The following CPNE8 variants were observed in gnomAD, a reference collection of about 807,000 sequenced individuals.
CPNE8 encodes the protein copine 8.
Under a neutral mutation model 81.5 loss-of-function variants are expected in CPNE8, and 45 were observed. The observed-to-expected ratio is 0.55, with a 90% confidence interval of 0.44 to 0.71. The LOEUF (loss-of-function observed/expected upper bound fraction) is 0.71. Ranked by LOEUF, CPNE8 falls within the 30% of genes least tolerant of loss-of-function variation. The pLI, the probability that CPNE8 is intolerant of heterozygous loss-of-function variation, is 0.00. For synonymous variants in CPNE8, 252 were observed against 226.3 expected (o/e 1.11, Z -1.02); for missense variants, 594 against 672.1 (o/e 0.88, Z 1.28).
intron 16 of CPNE8, 69 bp downstream of exon 16, chr12:38,685,421 A>AT: frequency 6.6e-7 from 1 of 1,511,104 alleles, no homozygotes. Context: ...GAGTCATGCT[A>AT]GCAACAATGT....
intron 1 of CPNE8, among the ~76,000 whole-genome samples, chr12:38,881,592 C>A (rs1305562338): frequency 2.0e-5 from 3 of 152,122 alleles, no homozygotes; most frequent in African/African-American, 7.2e-5. Context: ...ATAGTTTCAA[C>A]CTTTGCATGG....
intron 16 of CPNE8, among the ~76,000 whole-genome samples, chr12:38,684,287 G>T (rs1020418176): frequency 2.6e-5 from 4 of 152,010 alleles, no homozygotes; most frequent in African/African-American, 9.7e-5. Context: ...GATCAATTTT[G>T]GGGGCCAAGA....
rs143752382 is a variant in CPNE8, at chr12:38,762,188, C to A, written c.604G>T (p.Val202Phe). ...SFTICHKTEV[V>F]KNTLNPVWQA... Reference sequence around the variant, plus strand: ...CATACTGGATTTAGAGTGTTTTTGACAACTTCTGTCTTGTGACAAATTGTA... The same window carrying A: ...CATACTGGATTTAGAGTGTTTTTGAAAACTTCTGTCTTGTGACAAATTGTA... The change falls in exon 9 of 20, where the codon GTC (valine) becomes TTC (phenylalanine). Residue 202 changes from valine (V) to phenylalanine (F), a missense_variant. Transcript: ENST00000331366. 1 of 1,603,276 alleles carries A rather than the reference C, an allele frequency of 6.2e-7. No individual in the cohort carries two copies. Among genetic ancestry groups the A allele is most frequent in the Non-Finnish European group, 8.5e-7 (1 of 1,173,846 alleles).
At chr12:38,794,116 A>C (rs1272042605) in intron 6 of CPNE8, among the ~76,000 whole-genome samples, 1 of 152,160 alleles carries the variant, frequency 6.6e-6, no homozygotes, top group Non-Finnish European at 1.5e-5. Flanking sequence ...ACAGGAGGAA[A>C]GCTTCCTGAA....
At chr12:38,881,865 T>G (rs1453521410) in intron 1 of CPNE8, among the ~76,000 whole-genome samples, 4 of 152,104 alleles carry the variant, frequency 2.6e-5, no homozygotes, top group African/African-American at 9.7e-5. Flanking sequence ...ATTCCTGATT[T>G]CAGCTGGAAA....
chr12:38,776,419 T>C (rs1432726724), intron 6 of CPNE8, 118 bp from the exon 7 acceptor site: 10 of 279,096 alleles, frequency 3.6e-5, no homozygotes, highest in Non-Finnish European at 5.2e-5. Flanking sequence ...AATAATAACA[T>C]GGTTCTTCCC....
At chr12:38,782,592 A>G (rs1168802209) in intron 6 of CPNE8, among the ~76,000 whole-genome samples, 3 of 152,184 alleles carry the variant, frequency 2.0e-5, no homozygotes, top group Non-Finnish European at 4.4e-5. Flanking sequence ...CAGAAAGAGA[A>G]TGAGAAAGAG....
chr12:38,706,893 G>A, intron 13 of CPNE8, among the ~76,000 whole-genome samples: 1 of 152,208 alleles, frequency 6.6e-6, no homozygotes, highest in Non-Finnish European at 1.5e-5. Context: ...AGAAGCACTG[G>A]TTGCAGATAC....
At chr12:38,862,143 G>A (rs1038382059) in intron 3 of CPNE8, among the ~76,000 whole-genome samples, 4 of 152,048 alleles carry the variant, frequency 2.6e-5, no homozygotes, top group African/African-American at 9.7e-5. Flanking sequence ...TTGCCAAATT[G>A]TAGAAATGCA....
intron 1 of CPNE8, 92 bp from the exon 2 acceptor site, chr12:38,874,603 G>GTA (rs540463296): frequency 2.0e-4 from 149 of 728,970 alleles, no homozygotes; most frequent in African/African-American, 2.7e-4. Context: ...ACATAATTGT[G>GTA]TATATATATA....
At chr12:38,814,047 A>G (rs2136992841) in intron 6 of CPNE8, among the ~76,000 whole-genome samples, 1 of 152,222 alleles carries the variant, frequency 6.6e-6, no homozygotes, top group East Asian at 1.9e-4. Flanking sequence ...GTACAAGAAG[A>G]GTCTTTGAGG....
chr12:38,696,321 C>G (rs1939796297), intron 14 of CPNE8, among the ~76,000 whole-genome samples: 1 of 151,362 alleles, frequency 6.6e-6, no homozygotes, highest in South Asian at 2.1e-4. Flanking sequence ...TTGTTTATTC[C>G]AGCCCTTATT....
At chr12:38,853,623 C>A (rs540165160) in intron 3 of CPNE8, among the ~76,000 whole-genome samples, 1 of 151,988 alleles carries the variant, frequency 6.6e-6, no homozygotes, top group South Asian at 2.1e-4. Flanking sequence ...AACACTGTTC[C>A]TTTTAAAATT....
At chr12:38,796,042 C>A (rs927265212) in intron 6 of CPNE8, among the ~76,000 whole-genome samples, 1 of 152,202 alleles carries the variant, frequency 6.6e-6, no homozygotes, top group South Asian at 2.1e-4. Context: ...AGGCAGATCA[C>A]TTGAGTTCAG....
chr12:38,806,576 T>G (rs1039635214), intron 6 of CPNE8, among the ~76,000 whole-genome samples: 1 of 149,334 alleles, frequency 6.7e-6, no homozygotes, highest in Non-Finnish European at 1.5e-5. Context: ...AAACTCTCAA[T>G]AAATTAGGTA....
intron 14 of CPNE8, among the ~76,000 whole-genome samples, chr12:38,694,210 A>G (rs558159652): frequency 1.3e-5 from 2 of 152,320 alleles, no homozygotes; most frequent in East Asian, 3.9e-4. Context: ...CCTTATGCCT[A>G]TGGCAAGATG....
chr12:38,726,988 T>C (rs1940714939), intron 11 of CPNE8, among the ~76,000 whole-genome samples: 1 of 152,214 alleles, frequency 6.6e-6, no homozygotes. Context: ...AGTTATGTAA[T>C]ATATAAATAC....
At chr12:38,881,473 CAG>C (rs1944157187) in intron 1 of CPNE8, among the ~76,000 whole-genome samples, 1 of 152,140 alleles carries the variant, frequency 6.6e-6, no homozygotes, top group African/African-American at 2.4e-5. Flanking sequence ...TATTACCCAA[CAG>C]ACACTAGGGA....
At chr12:38,836,318 C>T (rs1053046359) in intron 5 of CPNE8, among the ~76,000 whole-genome samples, 7 of 152,128 alleles carry the variant, frequency 4.6e-5, no homozygotes, top group African/African-American at 7.2e-5. Flanking sequence ...CACTAAAACA[C>T]GTTTCCACCA....
Sources: gnomAD v4.1 joint callset for allele counts (sites outside exome capture counted in the v4.1 genomes callset) on GRCh38, gnomAD v4.1.1 for gene constraint, MANE v1.5 for transcripts, NCBI Gene and HGNC (gene_info 2026-07-23, HGNC 2026-07-21) for gene names.